The following PCDH7 variants were observed in gnomAD, a reference collection of about 807,000 sequenced individuals.
PCDH7 encodes protocadherin-7.
In PCDH7, 17 loss-of-function variants were observed where a neutral mutation model predicts 58.9. The ratio of observed to expected loss-of-function variants is 0.29; its 90% CI spans 0.20 to 0.43. The LOEUF (loss-of-function observed/expected upper bound fraction) is 0.43, where lower values mean the gene tolerates loss of function less well. Ranked by LOEUF, PCDH7 falls within the 20% of genes least tolerant of loss-of-function variation. PCDH7 has a pLI of 1.00. For missense variants in PCDH7, 1,274 were observed against 1,441.0 expected (o/e 0.88, Z 1.88); for synonymous variants, 664 against 616.4 (o/e 1.08, Z -1.14).
chr4:30,733,773 G>A (rs907546652), downstream of PCDH7, among the ~76,000 whole-genome samples: 3 of 151,836 alleles, frequency 2.0e-5, no homozygotes, highest in Non-Finnish European at 4.4e-5. Flanking sequence ...ACCTTATAAC[G>A]TCTGTGAAAA....
intron 1 of PCDH7, among the ~76,000 whole-genome samples, chr4:30,829,515 C>G (rs1729512395): frequency 6.6e-6 from 1 of 151,914 alleles, no homozygotes; most frequent in South Asian, 2.1e-4. Context: ...TCTTTAGAAG[C>G]AAAGTGTTGG....
chr4:31,141,662 A>G (rs1227027772), intron 3 of PCDH7, among the ~76,000 whole-genome samples: 1 of 152,196 alleles, frequency 6.6e-6, no homozygotes, highest in Non-Finnish European at 1.5e-5. Context: ...GTCATTTCCC[A>G]TTCCATTGGA....
intron 3 of PCDH7, among the ~76,000 whole-genome samples, chr4:31,116,899 G>A (rs1207653741): frequency 5.3e-5 from 8 of 152,108 alleles, no homozygotes; most frequent in African/African-American, 1.7e-4. Flanking sequence ...GCAATGGCGC[G>A]ATCTCGGCTC....
intron 3 of PCDH7, among the ~76,000 whole-genome samples, chr4:31,035,247 CTTTTTTTTT>C (rs35099580): frequency 6.0e-5 from 6 of 99,380 alleles, no homozygotes; most frequent in East Asian, 3.6e-4. Flanking sequence ...CCTTTTTTCC[CTTTTTTTTT>C]TTTTTTTTTT....
chr4:30,986,283 T>C (rs1750958284), intron 3 of PCDH7, among the ~76,000 whole-genome samples: 1 of 152,110 alleles, frequency 6.6e-6, no homozygotes, highest in African/African-American at 2.4e-5. Flanking sequence ...AATATTCAGG[T>C]CTGTCCTTTC....
At chr4:31,107,721 G>A (rs1715756157) in intron 3 of PCDH7, among the ~76,000 whole-genome samples, 1 of 152,032 alleles carries the variant, frequency 6.6e-6, no homozygotes, top group East Asian at 1.9e-4. Flanking sequence ...TTAGTTGGGA[G>A]AAATAAAAGT....
chr4:30,806,205 T>A (rs1046232009), intron 1 of PCDH7, among the ~76,000 whole-genome samples: 1 of 152,170 alleles, frequency 6.6e-6, no homozygotes, highest in African/African-American at 2.4e-5. Flanking sequence ...TACAAGCATG[T>A]CCTTATTGAG....
At chr4:31,145,645 T>C (rs977360500), downstream of PCDH7, 10 of 152,200 alleles carry the variant, frequency 6.6e-5, no homozygotes, top group Non-Finnish European at 8.8e-5. Flanking sequence ...ATAAATAATA[T>C]ATTAAAAATT....
intron 1 of PCDH7, among the ~76,000 whole-genome samples, chr4:30,766,773 C>A (rs1231851322): frequency 6.6e-6 from 1 of 151,840 alleles, no homozygotes; most frequent in Non-Finnish European, 1.5e-5. Context: ...TAGAAAATTA[C>A]CAAAAAGGAT....
At chr4:31,109,619 T>G (rs1280428059) in intron 3 of PCDH7, among the ~76,000 whole-genome samples, 1 of 152,220 alleles carries the variant, frequency 6.6e-6, no homozygotes, top group African/African-American at 2.4e-5. Flanking sequence ...ATGGGACTAA[T>G]ATATGCTCAT....
chr4:31,093,252 T>A (rs375365515), intron 3 of PCDH7, among the ~76,000 whole-genome samples: 18 of 152,128 alleles, frequency 1.2e-4, no homozygotes, highest in East Asian at 1.2e-3. Context: ...AGCAAGAACA[T>A]CCATTTTCAT....
intron 1 of PCDH7, among the ~76,000 whole-genome samples, chr4:30,891,961 A>G (rs977764274): frequency 1.1e-4 from 16 of 151,984 alleles, no homozygotes; most frequent in Admixed American, 9.8e-4. Context: ...CATAGTATAG[A>G]TAGGAAAAAG....
At chr4:31,088,797 T>C (rs1322202280) in intron 3 of PCDH7, among the ~76,000 whole-genome samples, 2 of 152,052 alleles carry the variant, frequency 1.3e-5, no homozygotes, top group African/African-American at 4.8e-5. Flanking sequence ...AAATTATGAG[T>C]CATCTTTTAA....
intron 3 of PCDH7, among the ~76,000 whole-genome samples, chr4:31,131,404 C>T (rs1484482134): frequency 6.6e-6 from 1 of 152,116 alleles, no homozygotes; most frequent in African/African-American, 2.4e-5. Flanking sequence ...TTTACCTGCT[C>T]TGCACTCCTG....
intron 1 of PCDH7, among the ~76,000 whole-genome samples, chr4:30,858,503 A>C (rs1297159667): frequency 2.0e-5 from 3 of 152,200 alleles, no homozygotes; most frequent in African/African-American, 7.2e-5. Context: ...ACTTATTCTA[A>C]CCGGTGCAAG....
chr4:31,101,404 A>G (rs1714875798), intron 3 of PCDH7, among the ~76,000 whole-genome samples: 1 of 152,190 alleles, frequency 6.6e-6, no homozygotes. Context: ...ACCTGTAAGT[A>G]TAATTCAGGT....
intron 3 of PCDH7, among the ~76,000 whole-genome samples, chr4:30,969,453 T>C (rs1015666431): frequency 1.3e-5 from 2 of 152,114 alleles, no homozygotes; most frequent in African/African-American, 2.4e-5. Flanking sequence ...ATATAGGAAA[T>C]TGCTAAACCA....
At chr4:31,144,575 A>G (rs1720553547), downstream of PCDH7, 1 of 152,196 alleles carries the variant, frequency 6.6e-6, no homozygotes, top group African/African-American at 2.4e-5. Flanking sequence ...GAAACAATGT[A>G]GCTTTGGGTA....
downstream of PCDH7, chr4:31,146,293 C>G (rs1720664946): frequency 1.3e-5 from 2 of 151,380 alleles, no homozygotes; most frequent in African/African-American, 4.9e-5. Context: ...ATCTAAAGAC[C>G]TAAATAATCT....
Sources: gnomAD v4.1 joint callset for allele counts (sites outside exome capture counted in the v4.1 genomes callset) on GRCh38, gnomAD v4.1.1 for gene constraint, MANE v1.5 for transcripts, NCBI Gene and HGNC (gene_info 2026-07-23, HGNC 2026-07-21) for gene names.